The following ZNF148 variants were observed in gnomAD, a reference collection of about 807,000 sequenced individuals.
The protein encoded by ZNF148 is Beta-Enolase Repressor Factor-1.
Under a neutral mutation model 67.7 loss-of-function variants are expected in ZNF148, and 7 were observed. That is an observed-to-expected ratio of 0.10 (90% CI 0.06 to 0.19). The LOEUF is 0.19. ZNF148 is among the 10% of genes least tolerant of loss of function. ZNF148 has a pLI of 1.00. For synonymous variants in ZNF148, 333 were observed against 330.7 expected (o/e 1.01, Z -0.08); for missense variants, 583 against 947.1 (o/e 0.62, Z 5.05).
chr3:125,358,054 G>C (rs920255765), intron 1 of ZNF148, among the ~76,000 whole-genome samples: 38 of 152,366 alleles, frequency 2.5e-4, no homozygotes, highest in African/African-American at 8.2e-4. Flanking sequence ...ACTCAGGCCT[G>C]TAATCCCAGC....
intron 7 of ZNF148, among the ~76,000 whole-genome samples, chr3:125,239,537 G>A (rs1004109782): frequency 2.0e-5 from 3 of 152,100 alleles, no homozygotes; most frequent in Admixed American, 6.5e-5. Context: ...AAGCATGGAT[G>A]TAGAGAATTG....
At chr3:125,257,872 A>AT (rs1377557742) in intron 7 of ZNF148, among the ~76,000 whole-genome samples, 1 of 152,012 alleles carries the variant, frequency 6.6e-6, no homozygotes, top group African/African-American at 2.4e-5. Flanking sequence ...CTTGTTACTC[A>AT]TTTCCTATTC....
intron 7 of ZNF148, among the ~76,000 whole-genome samples, chr3:125,256,210 A>G (rs928938009): frequency 2.0e-5 from 3 of 150,988 alleles, no homozygotes; most frequent in African/African-American, 7.3e-5. Flanking sequence ...GAAAATACAG[A>G]AAAAAAAATT....
Position 125,375,096 on chromosome 3 carries a change from C to T in ZNF148, c.-234+6G>A, listed in dbSNP as rs1943024908. The stretch of plus-strand genomic sequence containing the variant: ...GGGCCCGGGCCTGCCAGGCCGAGCG[C>T]TTTACCGCGGGCGGGCGCCGAGTCG... On this transcript the variant is annotated splice_donor_region_variant and intron_variant, in intron 1 of 8. Coordinates refer to ENST00000360647, the MANE Select transcript of ZNF148 (RefSeq NM_021964.3). The T allele has an allele frequency of 6.6e-6, 1 of 151,624 alleles. No homozygotes were observed. 9.4% of individuals were successfully genotyped at this position (151,624 alleles called of 1,614,324 possible).
At chr3:125,340,814 G>A (rs945717866) in intron 1 of ZNF148, among the ~76,000 whole-genome samples, 18 of 151,374 alleles carry the variant, frequency 1.2e-4, no homozygotes, top group Admixed American at 1.1e-3. Context: ...GTGAAACCCC[G>A]TCTCTACTAA....
chr3:125,291,866 A>T (rs1939033921), intron 4 of ZNF148, among the ~76,000 whole-genome samples: 1 of 152,182 alleles, frequency 6.6e-6, no homozygotes, highest in African/African-American at 2.4e-5. Flanking sequence ...TATCACTAGA[A>T]GGAACCTGTT....
rs1937678281 is a variant in ZNF148, at chr3:125,270,543, A to G, written c.667+7183T>C. 2.0e-5 allele frequency among the ~76,000 whole-genome samples: 3 copies of G among 152,212 alleles called. No homozygotes were observed. The South Asian group carries it at 6.2e-4, about 32-fold the overall frequency. ...TGAATGAATGTTTCATCTTCTGTAG[A>G]ATGTAAAATAATTTTTCAGGGGGCC... On this transcript the variant is annotated intron_variant, in intron 7 of 8. Coordinates refer to ENST00000360647, the MANE Select transcript of ZNF148 (RefSeq NM_021964.3).
intron 4 of ZNF148, among the ~76,000 whole-genome samples, chr3:125,298,180 CT>C (rs1451840352): frequency 2.6e-5 from 4 of 152,060 alleles, no homozygotes; most frequent in African/African-American, 9.7e-5. Context: ...TAGAGGAGTG[CT>C]GTGACCAAAA....
intron 7 of ZNF148, among the ~76,000 whole-genome samples, chr3:125,244,788 G>A (rs9834163): frequency 0.082 from 12,424 of 152,110 alleles, 609 homozygotes; most frequent in Non-Finnish European, 0.098. Flanking sequence ...ATGAGCCATC[G>A]CACCTGGCCC....
intron 8 of ZNF148, 30 bp downstream of exon 8, chr3:125,234,181 A>T (rs754832709): frequency 1.4e-6 from 2 of 1,415,280 alleles, no homozygotes; most frequent in Non-Finnish European, 2.0e-6. Context: ...ATTTAATTAC[A>T]GTAGAAGAAT....
At chr3:125,253,088 TA>T (rs375726933) in intron 7 of ZNF148, among the ~76,000 whole-genome samples, 56 of 152,326 alleles carry the variant, frequency 3.7e-4, no homozygotes, top group African/African-American at 1.3e-3. Flanking sequence ...AAATTGCATT[TA>T]ATTCATAGAT....
intron 4 of ZNF148, among the ~76,000 whole-genome samples, chr3:125,312,260 T>A (rs920054625): frequency 2.6e-5 from 4 of 152,206 alleles, no homozygotes; most frequent in African/African-American, 9.6e-5. Context: ...ATTCCAGGTA[T>A]GAAAGTTGCT....
intron 7 of ZNF148, among the ~76,000 whole-genome samples, chr3:125,252,859 T>TA (rs2107551299): frequency 6.6e-6 from 1 of 152,072 alleles, no homozygotes; most frequent in African/African-American, 2.4e-5. Flanking sequence ...GTGAATGTAA[T>TA]ATATGTAGGT....
At chr3:125,365,940 CCTT>C (rs1333692453) in intron 1 of ZNF148, among the ~76,000 whole-genome samples, 1 of 152,170 alleles carries the variant, frequency 6.6e-6, no homozygotes, top group Non-Finnish European at 1.5e-5. Context: ...TAATTCAAGC[CCTT>C]CTTAATATCT....
intron 1 of ZNF148, among the ~76,000 whole-genome samples, chr3:125,373,569 T>C (rs573927519): frequency 7.3e-5 from 11 of 151,706 alleles, no homozygotes; most frequent in African/African-American, 2.4e-4. Flanking sequence ...GGCTCTAGAG[T>C]CGTCCAGTCT....
chr3:125,346,171 T>C (rs2107746907), intron 1 of ZNF148, among the ~76,000 whole-genome samples: 1 of 152,332 alleles, frequency 6.6e-6, no homozygotes, highest in East Asian at 1.9e-4. Context: ...GGCTTAAGAT[T>C]TGAAAATCAA....
intron 1 of ZNF148, among the ~76,000 whole-genome samples, chr3:125,350,586 GAA>G (rs1207196160): frequency 3.3e-5 from 5 of 152,212 alleles, no homozygotes; most frequent in Admixed American, 2.0e-4. Flanking sequence ...GTTTCAGGAT[GAA>G]ACTGTTCCAC....
intron 1 of ZNF148, among the ~76,000 whole-genome samples, chr3:125,335,894 TGCTA>T (rs756784501): frequency 6.6e-6 from 1 of 152,204 alleles, no homozygotes; most frequent in Non-Finnish European, 1.5e-5. Flanking sequence ...AAAGTAAGAT[TGCTA>T]AAGATGAAGT....
chr3:125,292,963 GA>G (rs1344117464), intron 4 of ZNF148, among the ~76,000 whole-genome samples: 1 of 152,098 alleles, frequency 6.6e-6, no homozygotes, highest in Non-Finnish European at 1.5e-5. Flanking sequence ...AGATAATAAA[GA>G]GATATCAAAA....
Sources: allele counts gnomAD v4.1 joint callset (sites outside exome capture counted in the v4.1 genomes callset), GRCh38; gene constraint gnomAD v4.1.1; transcripts MANE v1.5; gene names NCBI Gene and HGNC (gene_info 2026-07-23, HGNC 2026-07-21).